The following CAMKMT variants were observed in gnomAD, a reference collection of about 807,000 sequenced individuals.
CAMKMT encodes calmodulin-lysine N-methyltransferase, also known as CaM KMT.
CAMKMT carries 53 observed loss-of-function variants against 48.0 expected under a neutral mutation model. The ratio of observed to expected loss-of-function variants is 1.10; its 90% CI spans 0.89 to 1.39. The LOEUF (loss-of-function observed/expected upper bound fraction) is 1.39, where lower values mean the gene tolerates loss of function less well. Ranked by LOEUF, CAMKMT falls within the 40% of genes most tolerant of loss-of-function variation. The pLI is 0.00. For synonymous variants in CAMKMT, 165 were observed against 152.3 expected (o/e 1.08, Z -0.61); for missense variants, 428 against 402.7 (o/e 1.06, Z -0.54).
chr2:44,768,361 A>ATATATATATATTTTTT (rs35058824), intron 10 of CAMKMT, among the ~76,000 whole-genome samples: 1 of 115,744 alleles, frequency 8.6e-6, no homozygotes, highest in African/African-American at 3.7e-5. Flanking sequence ...ATATATATAT[A>ATATATATATATTTTTT]TTTTTTTTTT....
At chr2:44,460,659 G>A (rs923086090) in intron 3 of CAMKMT, among the ~76,000 whole-genome samples, 2 of 151,802 alleles carry the variant, frequency 1.3e-5, no homozygotes, top group Non-Finnish European at 2.9e-5. Context: ...TTTCTTTACA[G>A]GGGAGGTAAT....
intron 6 of CAMKMT, among the ~76,000 whole-genome samples, chr2:44,712,227 ACCC>A: frequency 6.6e-6 from 1 of 152,196 alleles, no homozygotes; most frequent in South Asian, 2.1e-4. Flanking sequence ...ATAGTTTCCT[ACCC>A]TCATTTTTGG....
chr2:44,577,618 C>T (rs1669296679), intron 3 of CAMKMT, among the ~76,000 whole-genome samples: 2 of 136,874 alleles, frequency 1.5e-5, no homozygotes, highest in Non-Finnish European at 3.1e-5. Context: ...GACCCTGTCT[C>T]AAAAAAAATG....
chr2:44,536,844 C>T (rs1222864447), intron 3 of CAMKMT, among the ~76,000 whole-genome samples: 2 of 152,016 alleles, frequency 1.3e-5, no homozygotes, highest in Non-Finnish European at 2.9e-5. Context: ...GAATAGAGAA[C>T]CCAGAAGTAA....
At chr2:44,375,774 T>G (rs1266990879) in intron 2 of CAMKMT, among the ~76,000 whole-genome samples, 1 of 151,624 alleles carries the variant, frequency 6.6e-6, no homozygotes, top group Admixed American at 6.6e-5. Flanking sequence ...GTGGATCTGC[T>G]CCAGGTTCTT....
chr2:44,700,990 A>G (rs993357206), intron 3 of CAMKMT, among the ~76,000 whole-genome samples: 1 of 152,236 alleles, frequency 6.6e-6, no homozygotes, highest in African/African-American at 2.4e-5. Context: ...TTTATTGTCA[A>G]ATAATAATCC....
At chr2:44,695,131 G>C (rs1676867984) in intron 3 of CAMKMT, among the ~76,000 whole-genome samples, 1 of 152,198 alleles carries the variant, frequency 6.6e-6, no homozygotes, top group Non-Finnish European at 1.5e-5. Context: ...TAATGTAGCA[G>C]AAGTGCTATA....
intron 7 of CAMKMT, among the ~76,000 whole-genome samples, chr2:44,732,257 A>G (rs997735612): frequency 6.6e-6 from 1 of 152,122 alleles, no homozygotes; most frequent in Admixed American, 6.6e-5. Flanking sequence ...CCCAGCCAAG[A>G]TTTTTCTAAA....
chr2:44,649,920 G>A (rs1673963665), intron 3 of CAMKMT, among the ~76,000 whole-genome samples: 2 of 152,214 alleles, frequency 1.3e-5, no homozygotes, highest in South Asian at 2.1e-4. Context: ...ATGGTGTCAC[G>A]CAGCCACCAT....
At chr2:44,390,822 C>T (rs1189065506) in intron 3 of CAMKMT, among the ~76,000 whole-genome samples, 1 of 152,046 alleles carries the variant, frequency 6.6e-6, no homozygotes, top group Non-Finnish European at 1.5e-5. Flanking sequence ...GAATATATTG[C>T]CTTTTCATCA....
intron 3 of CAMKMT, among the ~76,000 whole-genome samples, chr2:44,642,746 G>T (rs1450058884): frequency 6.6e-6 from 1 of 152,090 alleles, no homozygotes; most frequent in Non-Finnish European, 1.5e-5. Context: ...GGGTGCCCTT[G>T]GGTCCAGCCT....
chr2:44,703,846 G>A (rs1174803725), intron 3 of CAMKMT, among the ~76,000 whole-genome samples: 1 of 150,086 alleles, frequency 6.7e-6, no homozygotes, highest in Non-Finnish European at 1.5e-5. Flanking sequence ...ACAAAAAAGT[G>A]TAGTGACGTC....
chr2:44,638,129 A>G (rs1015112187), intron 3 of CAMKMT, among the ~76,000 whole-genome samples: 1 of 152,094 alleles, frequency 6.6e-6, no homozygotes, highest in East Asian at 1.9e-4. Flanking sequence ...TTAAATTTAC[A>G]TGAATATTTA....
intron 9 of CAMKMT, among the ~76,000 whole-genome samples, chr2:44,765,807 C>T (rs150975807): frequency 6.6e-6 from 1 of 152,296 alleles, no homozygotes; most frequent in East Asian, 1.9e-4. Context: ...AACTGCTTGG[C>T]TATAGTGATG....
chr2:44,577,533 C>T (rs1669290516), intron 3 of CAMKMT, among the ~76,000 whole-genome samples: 1 of 151,920 alleles, frequency 6.6e-6, no homozygotes, highest in Non-Finnish European at 1.5e-5. Context: ...ATGGGAGGAT[C>T]ATCTGAGTCT....
chr2:44,391,872 T>C (rs534899090), intron 3 of CAMKMT: 2 of 153,046 alleles, frequency 1.3e-5, no homozygotes, highest in Non-Finnish European at 2.9e-5. Context: ...CACTGTTGTC[T>C]CTTGTTTGGT....
At chr2:44,551,657 C>T (rs752732095) in intron 3 of CAMKMT, among the ~76,000 whole-genome samples, 23 of 152,106 alleles carry the variant, frequency 1.5e-4, no homozygotes, top group African/African-American at 4.1e-4. Flanking sequence ...TAAATGGCAG[C>T]AGTGGAAAAG....
At chr2:44,634,954 A>C (rs532934306) in intron 3 of CAMKMT, among the ~76,000 whole-genome samples, 42 of 152,322 alleles carry the variant, frequency 2.8e-4, no homozygotes, top group African/African-American at 9.9e-4. Flanking sequence ...CATGCCTGTA[A>C]TCGCAGTGCT....
intron 3 of CAMKMT, among the ~76,000 whole-genome samples, chr2:44,574,179 G>A (rs1468487236): frequency 1.3e-5 from 2 of 152,142 alleles, no homozygotes; most frequent in East Asian, 1.9e-4. Context: ...CCCTAGAAAC[G>A]GCTATTATAC....
Sources: gnomAD v4.1 joint callset for allele counts (sites outside exome capture counted in the v4.1 genomes callset) on GRCh38, gnomAD v4.1.1 for gene constraint, MANE v1.5 for transcripts, NCBI Gene and HGNC (gene_info 2026-07-23, HGNC 2026-07-21) for gene names.